SLIT2: variants seen among roughly 807,000 people sequenced by gnomAD.
The protein encoded by SLIT2 is slit homolog 2 protein.
In SLIT2, 41 loss-of-function variants were observed where a neutral mutation model predicts 185.7. The ratio of observed to expected loss-of-function variants is 0.22; its 90% CI spans 0.17 to 0.29. The LOEUF (loss-of-function observed/expected upper bound fraction) is 0.29, where lower values mean the gene tolerates loss of function less well. SLIT2 is among the 10% of genes least tolerant of loss of function. The pLI is 1.00. For synonymous variants in SLIT2, 693 were observed against 680.2 expected, an observed-to-expected ratio of 1.02 and a Z score of -0.29; for missense variants, 1,571 against 1,909.0, an observed-to-expected ratio of 0.82 and a Z score of 3.30.
Position 20,394,284 on chromosome 4 carries a change from C to T in SLIT2, c.396-73468C>T, listed in dbSNP as rs189151535. ...TGAAAATTGGTATCGCATAAGCTTA[C>T]GTGGTATCATTTTGTCGTTTAAAAA... On this transcript the variant is annotated intron_variant, in intron 4 of 36. Transcript: ENST00000504154. Among the ~76,000 whole-genome samples the T allele has an allele frequency of 1.2e-4, 18 of 151,984 alleles. 1 individual carries two copies. The highest frequency in any genetic ancestry group is 5.3e-4 in the Admixed American group (8 of 15,212).
At position 20,616,932 on chromosome 4, in the gene SLIT2, G is replaced by C; in HGVS notation, c.3870G>C (p.Val1290=). ...YVGGMPGKSN[V]ASLRQAPGQN... is the part of the protein sequence containing the mutation. ...CAGGCATGCCAGGGAAGAGTAACGT[G>C]GCATCTCTGCGCCAGGCCCCTGGGC... is the stretch of plus-strand genomic sequence containing the variant. The change falls in exon 35 of 37, where the codon GTG becomes GTC. Residue 1290 remains valine (V), a synonymous_variant. Transcript: ENST00000504154. 2 of 1,604,228 alleles carry C rather than the reference G, an allele frequency of 1.2e-6. No homozygotes were observed. Among genetic ancestry groups the C allele is most frequent in the Non-Finnish European group, 1.7e-6 (2 of 1,172,272 alleles).
rs200679012 is a variant in SLIT2, at chr4:20,574,808, C to A, written c.3088+5804C>A. On this transcript the variant is annotated intron_variant, in intron 29 of 36. Transcript: ENST00000504154. ...TTTCAAAAAAAAAAAAAAAAAAAAA[C>A]AAAGGTTATTATATAGCAGGTCTCT... 4.3e-3 allele frequency among the ~76,000 whole-genome samples: 554 copies of A among 128,758 alleles called. 10 individuals are homozygous for A. In the South Asian group the frequency reaches 0.072, roughly 17 times the overall value. The allele number at this position is 128,758 out of a possible 152,430, so 84.5% of individuals were successfully genotyped here. A position where few individuals can be genotyped will look rare whatever the true frequency, so the allele number is the denominator to read the frequency against.
At chr4:20,472,385 T>TATATCTATATATATA (rs1560453709) in intron 5 of SLIT2, among the ~76,000 whole-genome samples, 16,374 of 37,894 alleles carry the variant, frequency 0.43, 4,600 homozygotes, top group East Asian at 0.6. Context: ...TCTATATATA[T>TATATCTATATATATA]GTAGATATAT....
chr4:20,380,301 A>G lies in SLIT2; in HGVS notation c.396-87451A>G, dbSNP rs540994039. Among the ~76,000 whole-genome samples, 87 of 152,318 alleles carry G rather than the reference A, an allele frequency of 5.7e-4. No homozygotes were observed. The South Asian group carries it at 0.015, about 25-fold the overall frequency. Reference sequence around the variant, plus strand: ...AAACAAATCCAAATTGCTTAGCTATATCCCAGAATATAGTCCTATAATATT... The same window carrying G: ...AAACAAATCCAAATTGCTTAGCTATGTCCCAGAATATAGTCCTATAATATT... On this transcript the variant is annotated intron_variant, in intron 4 of 36. Coordinates refer to ENST00000504154, the MANE Select transcript of SLIT2 (RefSeq NM_004787.4).
At chr4:20,430,179 T>C (rs977651552) in intron 4 of SLIT2, among the ~76,000 whole-genome samples, 2 of 152,220 alleles carry the variant, frequency 1.3e-5, no homozygotes, top group African/African-American at 4.8e-5. Flanking sequence ...TCTTATTGCT[T>C]TTCACATGTT....
intron 4 of SLIT2, among the ~76,000 whole-genome samples, chr4:20,275,068 T>G (rs1167864497): frequency 1.3e-5 from 2 of 152,130 alleles, no homozygotes; most frequent in Non-Finnish European, 2.9e-5. Context: ...TATTTTAAAG[T>G]TTTTAAATAA....
chr4:20,617,478 C>T lies in SLIT2; in HGVS notation c.4176C>T (p.Ser1392=), dbSNP rs1219647831. The change falls in exon 36 of 37, where the codon TCC becomes TCT. Residue 1392 remains serine, a synonymous_variant. Coordinates refer to ENST00000504154, the MANE Select transcript of SLIT2 (RefSeq NM_004787.4). ...HGTCLPINAF[S]YSCKCLEGHG... is the part of the protein sequence containing the mutation. ...CCTGCTTGCCCATCAATGCGTTCTC[C>T]TACAGCTGTAAGTGCTTGGAGGGCC... 1.9e-6 allele frequency: 3 copies of T among 1,614,130 alleles called. No homozygotes were observed. Among genetic ancestry groups the T allele is most frequent in the Non-Finnish European group, 1.7e-6 (2 of 1,180,014 alleles).
At chr4:20,601,024 G>C (rs1044903915) in intron 33 of SLIT2, among the ~76,000 whole-genome samples, 5 of 152,004 alleles carry the variant, frequency 3.3e-5, no homozygotes, top group African/African-American at 1.2e-4. Flanking sequence ...ATGTAAGGAA[G>C]AACAAGTTCA....
chr4:20,473,900 G>A (rs556061410), intron 5 of SLIT2, among the ~76,000 whole-genome samples: 5 of 152,080 alleles, frequency 3.3e-5, no homozygotes, highest in East Asian at 3.9e-4. Flanking sequence ...ATTGCAAAAT[G>A]TCTTCTTTAA....
intron 4 of SLIT2, among the ~76,000 whole-genome samples, chr4:20,352,152 G>A (rs1451198974): frequency 6.6e-6 from 1 of 152,102 alleles, no homozygotes; most frequent in African/African-American, 2.4e-5. Flanking sequence ...GCATTCTAAA[G>A]ATTGATTGAA....
intron 30 of SLIT2, among the ~76,000 whole-genome samples, chr4:20,590,007 G>A (rs544310516): frequency 2.1e-5 from 3 of 139,998 alleles, no homozygotes; most frequent in South Asian, 2.4e-4. Context: ...CCAGGTTCAC[G>A]CCATTCTCCT....
rs201064954 is a variant in SLIT2, at chr4:20,610,083, T to A, written c.3763T>A (p.Ser1255Thr). The A allele has an allele frequency of 1.9e-6, 3 of 1,613,834 alleles. No homozygotes were observed. In the East Asian group the frequency reaches 6.7e-5, roughly 36 times the overall value. The change falls in exon 34 of 37, where the codon TCC becomes ACC. Residue 1255 changes from serine (S) to threonine (T), a missense_variant. This residue lies in a region of SLIT2 where 146 missense variants were observed against 247.4 expected (regional missense o/e 0.59). Transcript: ENST00000504154. ...TGCCTTGGATCAGAGTCTCTCTTTGTCCGTGGATGGTGGGAACCCCAAAAT... is the reference window on the plus strand; with the variant it reads ...TGCCTTGGATCAGAGTCTCTCTTTGACCGTGGATGGTGGGAACCCCAAAAT... The part of the protein sequence containing the change: ...LLALDQSLSL[S>T]VDGGNPKIIT...
intron 29 of SLIT2, among the ~76,000 whole-genome samples, chr4:20,573,680 G>A (rs4696961): frequency 0.097 from 14,695 of 152,014 alleles, 1,059 homozygotes; most frequent in East Asian, 0.31. Flanking sequence ...AAGTAAGACT[G>A]TTCCCATAAC....
rs191683674 is a variant in SLIT2 at position 20,267,684 on chromosome 4, G to A, written c.324-1126G>A. Among the ~76,000 whole-genome samples, 224 of 151,798 alleles carry A rather than the reference G, an allele frequency of 1.5e-3. 2 individuals carry two copies. Among genetic ancestry groups the A allele is most frequent in the African/African-American group, 4.7e-3 (195 of 41,444 alleles). ...AAATTTCTTAGGAGTTACAATCAAG[G>A]GGCCCATTTCTGCCCTCTGGAGACT... On this transcript the variant is annotated intron_variant, in intron 3 of 36. Coordinates refer to ENST00000504154, the MANE Select transcript of SLIT2 (RefSeq NM_004787.4).
chr4:20,610,233 A>T, intron 34 of SLIT2, 66 bp downstream of exon 34: 1 of 1,423,300 alleles, frequency 7.0e-7, no homozygotes, highest in Non-Finnish European at 9.7e-7. Flanking sequence ...CGAATTCTGA[A>T]GTTTGTTAAT....
At chr4:20,354,623 C>G (rs1362092478) in intron 4 of SLIT2, among the ~76,000 whole-genome samples, 1 of 152,052 alleles carries the variant, frequency 6.6e-6, no homozygotes, top group Non-Finnish European at 1.5e-5. Context: ...CCTTGCATGG[C>G]TTTTAAAAAC....
chr4:20,456,314 C>T (rs894953178), intron 4 of SLIT2, among the ~76,000 whole-genome samples: 2 of 152,004 alleles, frequency 1.3e-5, no homozygotes, highest in African/African-American at 4.8e-5. Flanking sequence ...TTTTCTTAGC[C>T]CTCATCCCCA....
chr4:20,434,247 G>A (rs1021349310), intron 4 of SLIT2, among the ~76,000 whole-genome samples: 1 of 152,122 alleles, frequency 6.6e-6, no homozygotes, highest in Non-Finnish European at 1.5e-5. Flanking sequence ...CAGCACTTTG[G>A]GAGGCCAAGG....
intron 5 of SLIT2, among the ~76,000 whole-genome samples, chr4:20,478,354 A>G (rs1434327836): frequency 6.6e-6 from 1 of 152,196 alleles, no homozygotes; most frequent in Non-Finnish European, 1.5e-5. Flanking sequence ...TTTAGCACCA[A>G]TAAGGGCTTA....
Sources: gnomAD v4.1 joint callset for allele counts (sites outside exome capture counted in the v4.1 genomes callset) on GRCh38, gnomAD v4.1.1 for gene constraint, gnomAD v4.1.1 regional missense constraint, MANE v1.5 for transcripts, NCBI Gene and HGNC (gene_info 2026-07-23, HGNC 2026-07-21) for gene names.